The following UGT1A7 variants were observed in gnomAD, a reference collection of about 807,000 sequenced individuals.
UGT1A7 encodes the protein UDP glucuronosyltransferase family 1 member A7.
UGT1A7 carries 33 observed loss-of-function variants against 45.6 expected under a neutral mutation model. The observed-to-expected ratio is 0.72, with a 90% CI of 0.55 to 0.97. The LOEUF is 0.97. Ranked by LOEUF, UGT1A7 falls within the 50% of genes least tolerant of loss-of-function variation. UGT1A7 has a pLI of 0.00. For missense variants in UGT1A7, 684 were observed against 666.2 expected, an observed-to-expected ratio of 1.03 and a Z score of -0.29; for synonymous variants, 274 against 250.6, an observed-to-expected ratio of 1.09 and a Z score of -0.88.
intron 1 of UGT1A7, among the ~76,000 whole-genome samples, chr2:233,756,863 G>A (rs956259550): frequency 6.6e-6 from 1 of 152,072 alleles, no homozygotes; most frequent in Non-Finnish European, 1.5e-5. Flanking sequence ...GGTTCATAAA[G>A]GGTATTAGGT....
chr2:233,729,131 C>T, intron 1 of UGT1A7: 1 of 1,613,182 alleles, frequency 6.2e-7, no homozygotes, highest in Non-Finnish European at 8.5e-7. Flanking sequence ...GCTGAGATGG[C>T]CACAGGACTC....
intron 1 of UGT1A7, among the ~76,000 whole-genome samples, chr2:233,683,508 C>T (rs1219517388): frequency 6.6e-6 from 1 of 152,048 alleles, no homozygotes; most frequent in Non-Finnish European, 1.5e-5. Flanking sequence ...GGGTATCATC[C>T]TATGAGTATG....
intron 1 of UGT1A7, chr2:233,719,233 T>C: frequency 1.2e-6 from 2 of 1,614,226 alleles, no homozygotes; most frequent in Non-Finnish European, 1.7e-6. Context: ...GAGGCCCTGA[T>C]CAGGCACCTG....
chr2:233,728,660 C>T (rs557708388), intron 1 of UGT1A7, among the ~76,000 whole-genome samples: 3 of 152,280 alleles, frequency 2.0e-5, no homozygotes, highest in South Asian at 2.1e-4. Context: ...GGATGCGCTG[C>T]GTTACTCATA....
In UGT1A7 at chr2:233,769,245, A is replaced by G. The variant is rs1485950559; in HGVS notation, c.1295+806A>G. 6.6e-6 allele frequency among the ~76,000 whole-genome samples: 1 copy of G among 152,268 alleles called. No homozygotes were observed. The highest frequency in any genetic ancestry group is 2.4e-5 in the African/African-American group (1 of 41,474). The stretch of plus-strand genomic sequence containing the variant: ...ATAAGAGCAAAGGAAAATTTGCTCA[A>G]ATGTGGCCCTGAAAACGATTCAAAG... On this transcript the variant is annotated intron_variant, in intron 4 of 4. Transcript: ENST00000373426. The surrounding 1 kb of genome is among the most constrained non-coding windows in gnomAD (Gnocchi z 4.4).
At chr2:233,738,412 C>T (rs988923331) in intron 1 of UGT1A7, among the ~76,000 whole-genome samples, 1 of 152,164 alleles carries the variant, frequency 6.6e-6, no homozygotes, top group East Asian at 1.9e-4. Context: ...GGGTAACAGG[C>T]AGAGGCTGGA....
intron 1 of UGT1A7, chr2:233,730,115 T>C (rs2077988108): frequency 6.4e-7 from 1 of 1,560,670 alleles, no homozygotes; most frequent in Non-Finnish European, 8.7e-7. Flanking sequence ...CTGCTTCTCC[T>C]TGTCATAATA....
At chr2:233,747,851 C>G in intron 1 of UGT1A7, 1 of 1,613,534 alleles carries the variant, frequency 6.2e-7, no homozygotes, top group Non-Finnish European at 8.5e-7. Context: ...GGGTCAAGAA[C>G]ATGCTCTACC....
intron 1 of UGT1A7, chr2:233,693,169 G>C (rs2075135858): frequency 6.2e-7 from 1 of 1,614,188 alleles, no homozygotes; most frequent in African/African-American, 1.3e-5. Flanking sequence ...GGGGTCATGA[G>C]ATTGTAGTGG....
chr2:233,710,057 A>G (rs1374014159), intron 1 of UGT1A7, among the ~76,000 whole-genome samples: 1 of 152,246 alleles, frequency 6.6e-6, no homozygotes, highest in Admixed American at 6.5e-5. Context: ...TTGGCTCGGC[A>G]TAATGTCTCT....
chr2:233,751,271 T>G (rs1694686966), intron 1 of UGT1A7, among the ~76,000 whole-genome samples: 2 of 151,964 alleles, frequency 1.3e-5, no homozygotes, highest in African/African-American at 4.9e-5. Flanking sequence ...CCCCTTTTTT[T>G]GGCCAGTTTC....
chr2:233,681,904 A>C lies in UGT1A7; in HGVS notation c.-34A>C. ...ACTTACTATATTATAGGAGCTTAGA[A>C]TCCCAGCTGCTGGCTCTGGGCTGAA... On this transcript the variant is annotated 5_prime_UTR_variant, in exon 1 of 5. Transcript: ENST00000373426. 1 of 1,596,134 alleles carries C rather than the reference A, an allele frequency of 6.3e-7. No homozygotes were observed. Among genetic ancestry groups the C allele is most frequent in the Non-Finnish European group, 8.5e-7 (1 of 1,171,368 alleles).
intron 1 of UGT1A7, among the ~76,000 whole-genome samples, chr2:233,723,802 C>T (rs1164778615): frequency 1.3e-4 from 6 of 44,668 alleles, no homozygotes; most frequent in Non-Finnish European, 3.8e-5. Context: ...ATCCATTTAA[C>T]CCTGAGTGGA....
intron 1 of UGT1A7, among the ~76,000 whole-genome samples, chr2:233,711,069 T>C (rs914736641): frequency 2.6e-5 from 4 of 152,212 alleles, no homozygotes; most frequent in Non-Finnish European, 5.9e-5. Context: ...TCACCACTTA[T>C]GCTGATGGCT....
intron 4 of UGT1A7, 75 bp from the exon 5 acceptor site, chr2:233,772,187 G>A: frequency 6.3e-7 from 1 of 1,594,510 alleles, no homozygotes; most frequent in South Asian, 1.1e-5. Flanking sequence ...GTCTTCTTAA[G>A]CAGCCATGAG....
intron 1 of UGT1A7, among the ~76,000 whole-genome samples, chr2:233,751,605 T>G (rs1030087764): frequency 2.0e-5 from 3 of 152,194 alleles, no homozygotes; most frequent in African/African-American, 7.2e-5. Flanking sequence ...TGGGACCTGG[T>G]GGGAGGTGAT....
Position 233,718,977 on chromosome 2 carries a change from G to T in UGT1A7, c.855+36185G>T, listed in dbSNP as rs930216391. ...GCGGGAGGCCTTGCGGGAGCTCCAT[G>T]CCAGAGGCCACCAGGCGGTGGTCCT... On this transcript the variant is annotated intron_variant, in intron 1 of 4. Coordinates refer to ENST00000373426, the MANE Select transcript of UGT1A7 (RefSeq NM_019077.3). 3.1e-6 allele frequency: 5 copies of T among 1,614,122 alleles called. No homozygotes were observed. In the Admixed American group the frequency reaches 8.3e-5, roughly 27 times the overall value.
chr2:233,747,448 C>A (rs577048097), intron 1 of UGT1A7: 2 of 1,609,000 alleles, frequency 1.2e-6, no homozygotes, highest in East Asian at 4.5e-5. Flanking sequence ...ACCCTGACAA[C>A]CTATGCCATT....
In UGT1A7 at chr2:233,768,134, C is replaced by T. The variant is rs558476019; in HGVS notation, c.1076-86C>T. The T allele has an allele frequency of 1.1e-4, 173 of 1,608,048 alleles. No homozygotes were observed. The African/African-American group carries it at 2.2e-3, about 21-fold the overall frequency. Reference sequence around the variant, plus strand: ...CAAGGGCATGTGAGTAACACTGAGTCTTTGGAGTGTTTTCAGAACCTAGAT... The same window carrying T: ...CAAGGGCATGTGAGTAACACTGAGTTTTTGGAGTGTTTTCAGAACCTAGAT... On this transcript the variant is annotated intron_variant, in intron 3 of 4. Transcript: ENST00000373426.
Sources: allele counts gnomAD v4.1 joint callset (sites outside exome capture counted in the v4.1 genomes callset), GRCh38; gene constraint gnomAD v4.1.1; non-coding constraint Gnocchi (gnomAD v3.1); transcripts MANE v1.5; gene names NCBI Gene and HGNC (gene_info 2026-07-23, HGNC 2026-07-21).